Variants in ATG7 observed in about 807,000 individuals in gnomAD.
ATG7 encodes the protein autophagy related 7.
Under a neutral mutation model 82.4 loss-of-function variants are expected in ATG7, and 70 were observed. The ratio of observed to expected loss-of-function variants is 0.85; its 90% CI spans 0.70 to 1.04. The LOEUF (loss-of-function observed/expected upper bound fraction) is 1.04. Ranked by LOEUF, ATG7 falls within the 50% of genes least tolerant of loss-of-function variation. The pLI is 0.00. For synonymous variants in ATG7, 287 were observed against 313.0 expected, an observed-to-expected ratio of 0.92 and a Z score of 0.88; for missense variants, 792 against 864.3, an observed-to-expected ratio of 0.92 and a Z score of 1.05.
chr3:11,396,805 A>AAAGAT (rs2079329890), intron 19 of ATG7, among the ~76,000 whole-genome samples: 1 of 151,628 alleles, frequency 6.6e-6, no homozygotes, highest in Admixed American at 6.6e-5. Context: ...AAAGAAAAGA[A>AAAGAT]AAGAAAAGTA....
At chr3:11,485,549 G>A (rs1433437276) in intron 20 of ATG7, among the ~76,000 whole-genome samples, 1 of 152,114 alleles carries the variant, frequency 6.6e-6, no homozygotes, top group African/African-American at 2.4e-5. Flanking sequence ...AGTTTAATTA[G>A]ATCCCATTTG....
intron 20 of ATG7, among the ~76,000 whole-genome samples, chr3:11,551,271 C>T (rs985667204): frequency 3.9e-5 from 6 of 152,236 alleles, no homozygotes; most frequent in Admixed American, 1.3e-4. Flanking sequence ...CTCTTCTGTT[C>T]GGAGGGTTTC....
the ATG7 span, chr3:11,565,004 A>G: frequency 6.7e-7 from 1 of 1,497,066 alleles, no homozygotes; most frequent in Non-Finnish European, 8.9e-7. The surrounding 1 kb of genome is among the most constrained non-coding windows in gnomAD (Gnocchi z 4.1). Flanking sequence ...GGCAGTCTCC[A>G]TTGGCAGTCT....
intron 20 of ATG7, among the ~76,000 whole-genome samples, chr3:11,461,112 C>T (rs2086259962): frequency 6.6e-6 from 1 of 152,118 alleles, no homozygotes; most frequent in African/African-American, 2.4e-5. Flanking sequence ...TTAGGGAAGG[C>T]AAAGGGTGGG....
chr3:11,500,063 T>C (rs2153060281), intron 20 of ATG7, among the ~76,000 whole-genome samples: 1 of 152,334 alleles, frequency 6.6e-6, no homozygotes, highest in South Asian at 2.1e-4. Flanking sequence ...CTTCTGGGGA[T>C]GCTGTAAAGG....
At position 11,436,429 on chromosome 3, in the gene ATG7, CAT is replaced by C. The variant is rs542858668; in HGVS notation, c.2079+9505_2079+9506del. Among the ~76,000 whole-genome samples, 451 of 152,246 alleles carry C rather than the reference CAT, an allele frequency of 3.0e-3. 1 individual carries two copies. The highest frequency in any genetic ancestry group is 0.01 in the African/African-American group (428 of 41,548). On this transcript the variant is annotated intron_variant, in intron 20 of 20. Transcript: ENST00000693202. Reference sequence around the variant, plus strand: ...TTTAACAGTTCCTTGAAAAATTAAACATAGAATTACCATGTGACCCAGGGATT... The same window carrying C: ...TTTAACAGTTCCTTGAAAAATTAAACAGAATTACCATGTGACCCAGGGATT...
chr3:11,492,526 C>T (rs1389517172), intron 20 of ATG7, among the ~76,000 whole-genome samples: 3 of 152,032 alleles, frequency 2.0e-5, no homozygotes, highest in Non-Finnish European at 4.4e-5. Flanking sequence ...TGCTGAGGGA[C>T]TCGTGACAGG....
chr3:11,480,014 G>A lies in ATG7; in HGVS notation c.2079+53088G>A, dbSNP rs1194346371. Among the ~76,000 whole-genome samples the A allele has an allele frequency of 4.6e-5, 7 of 151,354 alleles. No individual in the cohort carries two copies. The East Asian group carries it at 9.8e-4, about 21-fold the overall frequency. On this transcript the variant is annotated intron_variant, in intron 20 of 20. Coordinates refer to ENST00000693202, the MANE Select transcript of ATG7 (RefSeq NM_001349232.2). ...ACAATCTCGGCTTACTGCAAGTCCC[G>A]TCTCTGGGGTTCACGACATTCTCCT...
At chr3:11,419,560 A>T (rs945504590) in intron 19 of ATG7, among the ~76,000 whole-genome samples, 10 of 151,790 alleles carry the variant, frequency 6.6e-5, no homozygotes. Flanking sequence ...GTCTCAAAAC[A>T]AACAAAAAAA....
At chr3:11,311,973 C>T (rs1575369467) in intron 7 of ATG7, among the ~76,000 whole-genome samples, 1 of 150,692 alleles carries the variant, frequency 6.6e-6, no homozygotes, top group Non-Finnish European at 1.5e-5. Flanking sequence ...CTAGGAAAAT[C>T]CACAGAGACA....
At chr3:11,504,354 A>C (rs1437516395) in intron 20 of ATG7, among the ~76,000 whole-genome samples, 1 of 152,272 alleles carries the variant, frequency 6.6e-6, no homozygotes, top group Non-Finnish European at 1.5e-5. Context: ...ACAAGATCAG[A>C]TAAACAAAAC....
At chr3:11,347,046 G>A (rs1392843080) in intron 13 of ATG7, among the ~76,000 whole-genome samples, 1 of 152,198 alleles carries the variant, frequency 6.6e-6, no homozygotes, top group Admixed American at 6.5e-5. Context: ...AGGTCAGTAT[G>A]CTTACTTATG....
chr3:11,424,042 C>T (rs1277594328), intron 19 of ATG7, among the ~76,000 whole-genome samples: 2 of 152,138 alleles, frequency 1.3e-5, no homozygotes, highest in African/African-American at 2.4e-5. Flanking sequence ...TAACCCTTCT[C>T]GGGTCACAGA....
At chr3:11,404,719 C>A (rs2080169035) in intron 19 of ATG7, among the ~76,000 whole-genome samples, 1 of 152,018 alleles carries the variant, frequency 6.6e-6, no homozygotes, top group Admixed American at 6.6e-5. Flanking sequence ...GCTGAGGAGG[C>A]CTCACAATCA....
intron 20 of ATG7, among the ~76,000 whole-genome samples, chr3:11,503,093 C>T (rs1483264375): frequency 1.3e-5 from 2 of 152,158 alleles, no homozygotes; most frequent in East Asian, 3.9e-4. Context: ...GCTCAAATAC[C>T]TTCCAGGCAG....
At chr3:11,413,367 T>C (rs2081084632) in intron 19 of ATG7, among the ~76,000 whole-genome samples, 1 of 152,190 alleles carries the variant, frequency 6.6e-6, no homozygotes, top group Admixed American at 6.5e-5. Context: ...GTTTTTATCA[T>C]GAAAGGGGTT....
chr3:11,296,837 G>T (rs1458486318), intron 3 of ATG7, among the ~76,000 whole-genome samples: 2 of 152,054 alleles, frequency 1.3e-5, no homozygotes, highest in Admixed American at 6.6e-5. Flanking sequence ...CTGCTTCACG[G>T]TGTCTTTCCC....
intron 19 of ATG7, among the ~76,000 whole-genome samples, chr3:11,421,332 CCT>C (rs1454067853): frequency 2.0e-5 from 3 of 152,308 alleles, no homozygotes; most frequent in South Asian, 4.1e-4. Context: ...TTGGAGTTGT[CCT>C]CTCAAATGCT....
At chr3:11,567,171 T>TCCGAGCCTCGGCGTC in the ATG7 span, among the ~76,000 whole-genome samples, 1 of 152,112 alleles carries the variant, frequency 6.6e-6, no homozygotes, top group Non-Finnish European at 1.5e-5. Flanking sequence ...CCCGAGGCGT[T>TCCGAGCCTCGGCGTC]CCGAGCCTCG....
Sources: gnomAD v4.1 joint callset for allele counts (sites outside exome capture counted in the v4.1 genomes callset) on GRCh38, gnomAD v4.1.1 for gene constraint, Gnocchi (gnomAD v3.1) non-coding constraint, MANE v1.5 for transcripts, NCBI Gene and HGNC (gene_info 2026-07-23, HGNC 2026-07-21) for gene names.